Variants in NTM observed in about 807,000 individuals in gnomAD.
NTM encodes the protein neurotrimin, also known as IgLON family member 2.
In NTM, 13 loss-of-function variants were observed where a neutral mutation model predicts 42.1. The observed-to-expected ratio is 0.31, with a 90% CI of 0.20 to 0.49. The LOEUF is 0.49. Among genes scored for constraint, NTM ranks in the 20% least tolerant of loss-of-function variants. NTM has a pLI of 0.99. For missense variants in NTM, 373 were observed against 452.8 expected (o/e 0.82, Z 1.60); for synonymous variants, 187 against 179.2 (o/e 1.04, Z -0.35).
intron 1 of NTM, among the ~76,000 whole-genome samples, chr11:131,586,006 C>T (rs2058824286): frequency 6.6e-6 from 1 of 152,222 alleles, no homozygotes; most frequent in Non-Finnish European, 1.5e-5. Context: ...AGAAACTTAC[C>T]TGTCGTAACT....
At chr11:132,334,800 A>G (rs2095857611) in intron 8 of NTM, among the ~76,000 whole-genome samples, 8 of 151,780 alleles carry the variant, frequency 5.3e-5, no homozygotes, top group Admixed American at 5.3e-4. Flanking sequence ...AAGAAGGCCC[A>G]GGACACTTTA....
chr11:132,244,786 C>T (rs1438402354), intron 4 of NTM, among the ~76,000 whole-genome samples: 3 of 152,260 alleles, frequency 2.0e-5, no homozygotes, highest in Non-Finnish European at 2.9e-5. Flanking sequence ...TGTGGTGGGC[C>T]GAGAGGGAGC....
chr11:132,306,700 G>T (rs1290462929), intron 4 of NTM, among the ~76,000 whole-genome samples: 1 of 152,142 alleles, frequency 6.6e-6, no homozygotes, highest in Non-Finnish European at 1.5e-5. Flanking sequence ...CCTTTTAAAG[G>T]TATCCAGGTT....
intron 1 of NTM, among the ~76,000 whole-genome samples, chr11:131,426,827 A>G (rs1279856442): frequency 6.6e-6 from 1 of 152,120 alleles, no homozygotes; most frequent in Non-Finnish European, 1.5e-5. Context: ...AAAGCAGTGG[A>G]GTAAATTGAG....
intron 1 of NTM, chr11:131,661,243 C>T: frequency 3.2e-6 from 1 of 314,278 alleles, no homozygotes; most frequent in South Asian, 3.4e-5. Context: ...GAGGTCTTTC[C>T]TGGGTGAAGT....
At chr11:132,260,357 T>C (rs2092773302) in intron 4 of NTM, among the ~76,000 whole-genome samples, 1 of 152,122 alleles carries the variant, frequency 6.6e-6, no homozygotes, top group Admixed American at 6.5e-5. Context: ...TTCCAGACAG[T>C]GTAACTATTT....
intron 2 of NTM, among the ~76,000 whole-genome samples, chr11:132,075,370 A>T (rs2058227495): frequency 2.6e-5 from 4 of 152,342 alleles, no homozygotes; most frequent in Admixed American, 2.0e-4. Context: ...AAAATGTGAA[A>T]ACATATTTTG....
intron 1 of NTM, among the ~76,000 whole-genome samples, chr11:131,491,611 A>C (rs1368660304): frequency 1.3e-5 from 2 of 152,218 alleles, no homozygotes; most frequent in Non-Finnish European, 2.9e-5. Context: ...CAATGTGAAC[A>C]TATTAACTAA....
chr11:131,418,126 T>C (rs1456200572), intron 1 of NTM, among the ~76,000 whole-genome samples: 2 of 152,202 alleles, frequency 1.3e-5, no homozygotes, highest in East Asian at 3.8e-4. Context: ...TAGGTTCAGC[T>C]AGGAGGTAGC....
rs183053436 is a variant in NTM, at chr11:131,375,041, C to G, written c.82+4153C>G. Among the ~76,000 whole-genome samples the G allele has an allele frequency of 2.5e-3, 384 of 152,306 alleles. 1 individual carries two copies. Among genetic ancestry groups the G allele is most frequent in the African/African-American group, 8.8e-3 (365 of 41,564 alleles). On this transcript the variant is annotated intron_variant, in intron 1 of 8. Coordinates refer to ENST00000683400, the MANE Select transcript of NTM (RefSeq NM_001352005.2). ...CACATTGCTCTCTCTCTTGCTGCAGCAGAGATCCTACAAATGCTTCACACA... is the reference window on the plus strand; with the variant it reads ...CACATTGCTCTCTCTCTTGCTGCAGGAGAGATCCTACAAATGCTTCACACA...
chr11:131,982,070 A>T (rs1335531439), intron 2 of NTM, among the ~76,000 whole-genome samples: 1 of 151,862 alleles, frequency 6.6e-6, no homozygotes, highest in African/African-American at 2.4e-5. Flanking sequence ...AGAAAACAAC[A>T]CAACAAAAAA....
At chr11:132,245,559 T>C (rs2090994453) in intron 4 of NTM, among the ~76,000 whole-genome samples, 2 of 152,222 alleles carry the variant, frequency 1.3e-5, no homozygotes, top group Middle Eastern at 3.4e-3. Context: ...GAGAGCACGA[T>C]GGAGGAGGTG....
intron 2 of NTM, among the ~76,000 whole-genome samples, chr11:131,976,117 T>C (rs942393306): frequency 3.5e-4 from 4 of 11,474 alleles, no homozygotes; most frequent in Non-Finnish European, 4.6e-4. Flanking sequence ...CCCTCCCTCA[T>C]TCCTTCCTTC....
At chr11:131,833,949 C>T (rs2043151830) in intron 1 of NTM, among the ~76,000 whole-genome samples, 1 of 152,086 alleles carries the variant, frequency 6.6e-6, no homozygotes, top group South Asian at 2.1e-4. Flanking sequence ...TGCTCTTCTC[C>T]CCACCCTATG....
chr11:132,324,517 C>A lies in NTM; in HGVS notation c.935-5636C>A, dbSNP rs1007236983. On this transcript the variant is annotated intron_variant, in intron 7 of 8. Coordinates refer to ENST00000683400, the MANE Select transcript of NTM (RefSeq NM_001352005.2). The stretch of plus-strand genomic sequence containing the variant: ...ACTACAAACCACTGCTCAATGAAAT[C>A]AAAGAGGATACAAACAAATGGAAGA... Among the ~76,000 whole-genome samples, 16 of 151,660 alleles carry A rather than the reference C, an allele frequency of 1.1e-4. No homozygotes were observed. The East Asian group carries it at 1.6e-3, about 15-fold the overall frequency.
At chr11:132,081,900 T>C (rs1471717671) in intron 2 of NTM, among the ~76,000 whole-genome samples, 3 of 148,278 alleles carry the variant, frequency 2.0e-5, no homozygotes, top group East Asian at 3.9e-4. Flanking sequence ...TAAATATATA[T>C]ATACATATAT....
At chr11:131,831,444 A>G (rs1397830513) in intron 1 of NTM, among the ~76,000 whole-genome samples, 3 of 152,118 alleles carry the variant, frequency 2.0e-5, no homozygotes, top group Non-Finnish European at 4.4e-5. Flanking sequence ...TGGCTGGAAA[A>G]TGGCAGAATC....
At chr11:131,630,160 G>A (rs140221239) in intron 1 of NTM, among the ~76,000 whole-genome samples, 8 of 152,202 alleles carry the variant, frequency 5.3e-5, no homozygotes, top group African/African-American at 1.2e-4. Context: ...AAAGGAGGTC[G>A]GGCCATGGTC....
chr11:131,780,302 C>T (rs948132299), intron 1 of NTM, among the ~76,000 whole-genome samples: 5 of 152,106 alleles, frequency 3.3e-5, no homozygotes, highest in African/African-American at 4.8e-5. Flanking sequence ...GTCAGATCTT[C>T]ATGAGGCAGA....
Sources: gnomAD v4.1 joint callset for allele counts (sites outside exome capture counted in the v4.1 genomes callset) on GRCh38, gnomAD v4.1.1 for gene constraint, MANE v1.5 for transcripts, NCBI Gene and HGNC (gene_info 2026-07-23, HGNC 2026-07-21) for gene names.